Variants in SLC7A6OS observed in about 807,000 individuals in gnomAD.
SLC7A6OS encodes the protein solute carrier family 7 member 6 opposite strand.
SLC7A6OS carries 22 observed loss-of-function variants against 34.3 expected under a neutral mutation model. That is an observed-to-expected ratio of 0.64 (90% CI 0.46 to 0.92). SLC7A6OS has a LOEUF of 0.92. SLC7A6OS is among the 40% of genes least tolerant of loss of function. The pLI is 0.00. For missense variants in SLC7A6OS, 434 were observed against 407.7 expected (o/e 1.06, Z -0.56); for synonymous variants, 199 against 165.0 (o/e 1.21, Z -1.58).
At chr16:68,309,588 T>C (rs2043390370) in intron 2 of SLC7A6OS, among the ~76,000 whole-genome samples, 1 of 152,170 alleles carries the variant, frequency 6.6e-6, no homozygotes. Context: ...TTTTTGGAAG[T>C]GATTGCAAAT....
In SLC7A6OS at chr16:68,300,613, T is replaced by C; in HGVS notation, c.*662A>G. 1 of 985,148 alleles carries C rather than the reference T, an allele frequency of 1.0e-6. No homozygotes were observed. The allele number at this position is 985,148 out of a possible 1,614,324, so 61.0% of individuals were successfully genotyped here. On this transcript the variant is annotated 3_prime_UTR_variant, in exon 5 of 5. Transcript: ENST00000263997. ...TTAAAAGGTTTTCAAAGAATTACTTTCTTCCATGTTCAAAGCTAGATTTTA... is the reference window on the plus strand; with the variant it reads ...TTAAAAGGTTTTCAAAGAATTACTTCCTTCCATGTTCAAAGCTAGATTTTA...
Position 68,301,391 on chromosome 16 carries a change from T to G in SLC7A6OS, c.814A>C (p.Asn272His), listed in dbSNP as rs757289247. ...DEDSRGSADY[N>H]SLSEEERGSS... ...CCTCTTTCCTCCTCACTCAGGCTGT[T>G]GTAGTCAGCAGAGCCTAGAATGACA... The change falls in exon 5 of 5, where the codon AAC (asparagine) becomes CAC (histidine). Residue 272 changes from asparagine (N) to histidine (H), a missense_variant. Coordinates refer to ENST00000263997, the MANE Select transcript of SLC7A6OS (RefSeq NM_032178.3). 6.2e-7 allele frequency: 1 copy of G among 1,614,056 alleles called. No individual in the cohort carries two copies. The highest frequency in any genetic ancestry group is 8.5e-7 in the Non-Finnish European group (1 of 1,179,946).
At chr16:68,309,591 T>C (rs772219985) in intron 2 of SLC7A6OS, among the ~76,000 whole-genome samples, 2 of 152,208 alleles carry the variant, frequency 1.3e-5, no homozygotes, top group African/African-American at 2.4e-5. Context: ...TTGGAAGTGA[T>C]TGCAAATGAA....
intron 2 of SLC7A6OS, among the ~76,000 whole-genome samples, chr16:68,304,722 G>A (rs1451704627): frequency 2.0e-5 from 3 of 152,122 alleles, no homozygotes; most frequent in Non-Finnish European, 2.9e-5. Context: ...TAAAATTAAT[G>A]TGTAGTTCTT....
chr16:68,306,776 C>G (rs1056109985), intron 2 of SLC7A6OS, among the ~76,000 whole-genome samples: 1 of 152,138 alleles, frequency 6.6e-6, no homozygotes, highest in East Asian at 1.9e-4. Flanking sequence ...ATAGGAGTAA[C>G]CCACCGTACC....
intron 3 of SLC7A6OS, 76 bp from the exon 4 acceptor site, chr16:68,302,577 C>T: frequency 6.3e-7 from 1 of 1,577,902 alleles, no homozygotes; most frequent in Non-Finnish European, 8.7e-7. Context: ...GTTAGCATAC[C>T]AGCTTGAAGA....
chr16:68,304,861 G>A (rs2043315577), intron 2 of SLC7A6OS, among the ~76,000 whole-genome samples: 1 of 152,092 alleles, frequency 6.6e-6, no homozygotes, highest in African/African-American at 2.4e-5. Flanking sequence ...GACCAGCCTG[G>A]CCCACATGGC....
chr16:68,300,037 C>A lies in SLC7A6OS; in HGVS notation c.*1238G>T, dbSNP rs1206478347. The stretch of plus-strand genomic sequence containing the variant: ...AGAAGGTACCTCCCTGTGTAACTCA[C>A]CTTCCCCCATGACAGTGAGTAAGAG... On this transcript the variant is annotated 3_prime_UTR_variant, in exon 5 of 5. Transcript: ENST00000263997. The A allele has an allele frequency of 6.6e-6, 1 of 152,090 alleles. No homozygotes were observed. The highest frequency in any genetic ancestry group is 1.5e-5 in the Non-Finnish European group (1 of 68,050). 9.4% of individuals were successfully genotyped at this position (152,090 alleles called of 1,614,324 possible).
intron 2 of SLC7A6OS, among the ~76,000 whole-genome samples, chr16:68,309,599 G>A (rs886928441): frequency 3.3e-5 from 5 of 152,212 alleles, no homozygotes; most frequent in African/African-American, 1.2e-4. Flanking sequence ...GATTGCAAAT[G>A]AAGTTAGCAA....
intron 2 of SLC7A6OS, among the ~76,000 whole-genome samples, chr16:68,305,782 G>A (rs920445967): frequency 1.3e-5 from 2 of 152,190 alleles, no homozygotes; most frequent in African/African-American, 4.8e-5. Flanking sequence ...TAAGATTGCT[G>A]GGCACAGTGG....
Position 68,310,915 on chromosome 16 carries a change from G to A in SLC7A6OS, c.12C>T (p.Ala4=), listed in dbSNP as rs747263697. Reference sequence around the variant, plus strand: ...GCTTCACCCGGAGTACAGCGGTCCTGGCGGCCTCCATAGTGGCTGCCGCTG... The same window carrying A: ...GCTTCACCCGGAGTACAGCGGTCCTAGCGGCCTCCATAGTGGCTGCCGCTG... The part of the protein sequence containing the change: MEA[A]RTAVLRVKRK... Residue 4 remains alanine (A), a synonymous_variant, in exon 1 of 5, where the codon GCC becomes GCT. Transcript: ENST00000263997. The A allele has an allele frequency of 3.8e-6, 6 of 1,586,014 alleles. No homozygotes were observed. The highest frequency in any genetic ancestry group is 2.2e-5 in the South Asian group (2 of 89,054).
At chr16:68,309,575 C>CT (rs1025600777) in intron 2 of SLC7A6OS, among the ~76,000 whole-genome samples, 8 of 152,078 alleles carry the variant, frequency 5.3e-5, no homozygotes, top group Non-Finnish European at 1.2e-4. Context: ...ATGTAGTAGA[C>CT]TTTTTTTGGA....
In SLC7A6OS at chr16:68,301,249, A is replaced by C. The variant is rs754351170; in HGVS notation, c.*26T>G. 2 of 1,610,552 alleles carry C rather than the reference A, an allele frequency of 1.2e-6. No individual in the cohort carries two copies. The highest frequency in any genetic ancestry group is 1.7e-6 in the Non-Finnish European group (2 of 1,177,706). On this transcript the variant is annotated 3_prime_UTR_variant, in exon 5 of 5. Transcript: ENST00000263997. ...CTCAGAGCCCTCAAGGGCATGTGGC[A>C]GAACCTCATGGACATCACAAGACCA...
At chr16:68,303,155 T>A (rs1040507858) in intron 3 of SLC7A6OS, among the ~76,000 whole-genome samples, 1 of 151,694 alleles carries the variant, frequency 6.6e-6, no homozygotes, top group African/African-American at 2.4e-5. Context: ...TCCCAGCTAC[T>A]TGGGAGGCTG....
Position 68,310,904 on chromosome 16 carries a change from A to T in SLC7A6OS, c.23T>A (p.Val8Glu). Residue 8 changes from valine (V) to glutamate (E), a missense_variant, in exon 1 of 5, where the codon GTA becomes GAA. By Grantham distance (121) the Val-to-Glu change is moderately radical (BLOSUM62 -2). Coordinates refer to ENST00000263997, the MANE Select transcript of SLC7A6OS (RefSeq NM_032178.3). ...ACTGCGCTTCCGCTTCACCCGGAGTACAGCGGTCCTGGCGGCCTCCATAGT... is the reference window on the plus strand; with the variant it reads ...ACTGCGCTTCCGCTTCACCCGGAGTTCAGCGGTCCTGGCGGCCTCCATAGT... MEAARTA[V>E]LRVKRKRSAE... 6.3e-7 allele frequency: 1 copy of T among 1,596,200 alleles called. No homozygotes were observed. Among genetic ancestry groups the T allele is most frequent in the Non-Finnish European group, 8.5e-7 (1 of 1,173,890 alleles).
intron 2 of SLC7A6OS, among the ~76,000 whole-genome samples, chr16:68,305,958 T>G (rs929929472): frequency 2.6e-5 from 4 of 152,168 alleles, no homozygotes; most frequent in Admixed American, 1.3e-4. Flanking sequence ...CTTGAGAGGC[T>G]GAGGCAGGAG....
intron 2 of SLC7A6OS, among the ~76,000 whole-genome samples, chr16:68,305,301 A>G (rs2151240630): frequency 6.6e-6 from 1 of 152,300 alleles, no homozygotes; most frequent in South Asian, 2.1e-4. Context: ...GGCTTGCCAT[A>G]TATTGACATC....
chr16:68,308,663 G>A (rs1338033134), intron 2 of SLC7A6OS, among the ~76,000 whole-genome samples: 1 of 152,138 alleles, frequency 6.6e-6, no homozygotes, highest in African/African-American at 2.4e-5. Flanking sequence ...AATTACACTA[G>A]TACCATTTGC....
intron 2 of SLC7A6OS, among the ~76,000 whole-genome samples, chr16:68,305,111 C>A (rs1290533518): frequency 1.3e-5 from 2 of 152,200 alleles, no homozygotes; most frequent in Non-Finnish European, 2.9e-5. Flanking sequence ...AGCTCTGAGT[C>A]AGACCTGCTT....
Sources: gnomAD v4.1 joint callset for allele counts (sites outside exome capture counted in the v4.1 genomes callset) on GRCh38, gnomAD v4.1.1 for gene constraint, MANE v1.5 for transcripts, NCBI Gene and HGNC (gene_info 2026-07-23, HGNC 2026-07-21) for gene names.